Variants in SMC1B observed in about 807,000 individuals in gnomAD.
SMC1B encodes the protein structural maintenance of chromosomes protein 1B.
A neutral mutation model predicts 157.9 loss-of-function variants in SMC1B; 60 were observed. The observed-to-expected ratio is 0.38, with a 90% CI of 0.31 to 0.47. The LOEUF (loss-of-function observed/expected upper bound fraction) is 0.47, where lower values mean the gene tolerates loss of function less well. Among genes scored for constraint, SMC1B ranks in the 20% least tolerant of loss-of-function variants. SMC1B has a pLI of 0.99. For synonymous variants in SMC1B, 445 were observed against 483.0 expected, an observed-to-expected ratio of 0.92 and a Z score of 1.03; for missense variants, 1,165 against 1,426.2, an observed-to-expected ratio of 0.82 and a Z score of 2.95.
At position 45,372,374 on chromosome 22, in the gene SMC1B, C is replaced by A. The variant is rs1032827712; in HGVS notation, c.2059-82G>T. 7 of 1,240,780 alleles carry A rather than the reference C, an allele frequency of 5.6e-6. No individual in the cohort carries two copies. In the East Asian group the frequency reaches 1.2e-4, roughly 22 times the overall value. 76.9% of individuals were successfully genotyped at this position (1,240,780 alleles called of 1,614,324 possible). A position where few individuals can be genotyped will look rare whatever the true frequency, so the allele number is the denominator to read the frequency against. ...CAAAGTGCTTTCATATGTAATAATT[C>A]ACTGATTTTTACATACCACCACACC... On this transcript the variant is annotated intron_variant, in intron 12 of 24. Transcript: ENST00000357450.
At chr22:45,353,025 C>T (rs575982320) in intron 21 of SMC1B, among the ~76,000 whole-genome samples, 15 of 152,182 alleles carry the variant, frequency 9.9e-5, no homozygotes, top group African/African-American at 3.4e-4. Context: ...AATCCCAGCA[C>T]GTTGGGAGGC....
At chr22:45,404,228 C>T (rs920973940) in intron 4 of SMC1B, among the ~76,000 whole-genome samples, 2 of 133,290 alleles carry the variant, frequency 1.5e-5, no homozygotes, top group African/African-American at 5.7e-5. Context: ...AGGCATGAGG[C>T]GCCATGCCTG....
chr22:45,364,165 T>A (rs904480359), intron 15 of SMC1B, among the ~76,000 whole-genome samples: 15 of 152,122 alleles, frequency 9.9e-5, no homozygotes, highest in Admixed American at 5.2e-4. Context: ...ACTATTCTTA[T>A]ATAAACACCA....
intron 12 of SMC1B, among the ~76,000 whole-genome samples, chr22:45,378,378 C>A (rs544798989): frequency 7.0e-4 from 106 of 152,210 alleles, no homozygotes; most frequent in South Asian, 1.2e-3. Flanking sequence ...ATTGAGGTTT[C>A]CATTGTGGCC....
In SMC1B at chr22:45,406,452, C is replaced by T; in HGVS notation, c.615+8G>A. On this transcript the variant is annotated splice_region_variant and intron_variant, in intron 4 of 24. Coordinates refer to ENST00000357450, the MANE Select transcript of SMC1B (RefSeq NM_148674.5). ...ACAACTAATGGTTACATCTTCATGA[C>T]ATCTTACCTCTTCCTTCTCTAATTT... 1.2e-6 allele frequency: 2 copies of T among 1,603,634 alleles called. No homozygotes were observed. The highest frequency in any genetic ancestry group is 1.7e-6 in the Non-Finnish European group (2 of 1,176,748).
chr22:45,408,954 C>G, intron 1 of SMC1B, 56 bp from the exon 2 acceptor site: 1 of 1,128,008 alleles, frequency 8.9e-7, no homozygotes, highest in African/African-American at 1.6e-5. Flanking sequence ...AAGCCCTACC[C>G]AGAGCTGAAG....
At chr22:45,346,840 A>C (rs560975181) in intron 23 of SMC1B, among the ~76,000 whole-genome samples, 9 of 152,364 alleles carry the variant, frequency 5.9e-5, no homozygotes, top group African/African-American at 1.9e-4. Flanking sequence ...ATAGTTCTTC[A>C]TACTACATAA....
At chr22:45,409,889 A>T (rs1219286964) in intron 1 of SMC1B, among the ~76,000 whole-genome samples, 1 of 152,194 alleles carries the variant, frequency 6.6e-6, no homozygotes, top group Non-Finnish European at 1.5e-5. Context: ...CTGGAATATT[A>T]TTTTATAATT....
chr22:45,384,693 C>G (rs1352470697), intron 11 of SMC1B, among the ~76,000 whole-genome samples: 1 of 150,488 alleles, frequency 6.6e-6, no homozygotes, highest in Non-Finnish European at 1.5e-5. Flanking sequence ...GCACTCCAGC[C>G]TGGGTGACAG....
chr22:45,412,651 C>T (rs1259099610), intron 1 of SMC1B, among the ~76,000 whole-genome samples: 1 of 151,934 alleles, frequency 6.6e-6, no homozygotes, highest in African/African-American at 2.4e-5. Context: ...GGATTACAGG[C>T]GTGTGCCACC....
chr22:45,345,434 CCT>C, intron 24 of SMC1B, 23 bp downstream of exon 24: 1 of 1,505,056 alleles, frequency 6.6e-7, no homozygotes, highest in African/African-American at 1.4e-5. Flanking sequence ...TGGGTACACT[CCT>C]CTCGCCTCTG....
At position 45,345,564 on chromosome 22, in the gene SMC1B, T is replaced by G; in HGVS notation, c.3501A>C (p.Ser1167=). The change falls in exon 24 of 25, where the codon TCA becomes TCC. Residue 1167 remains serine, a synonymous_variant. Transcript: ENST00000357450. Reference sequence around the variant, plus strand: ...CTTGAGTTTGCTCTTTGATGTAACTTGACACCTGGAAGAAATAAAAACACA... The same window carrying G: ...CTTGAGTTTGCTCTTTGATGTAACTGGACACCTGGAAGAAATAAAAACACA... ...ALDNTNIGKV[S]SYIKEQTQDQ... The G allele has an allele frequency of 6.3e-7, 1 of 1,593,312 alleles. No homozygotes were observed. The highest frequency in any genetic ancestry group is 8.6e-7 in the Non-Finnish European group (1 of 1,161,112).
rs1169902053 is a variant in SMC1B at position 45,387,044 on chromosome 22, G to C, written c.1734C>G (p.Ile578Met). The C allele has an allele frequency of 6.2e-7, 1 of 1,607,882 alleles. No individual in the cohort carries two copies. The highest frequency in any genetic ancestry group is 2.2e-5 in the East Asian group (1 of 44,814). The change falls in exon 11 of 25, where the codon ATC (isoleucine) becomes ATG (methionine). Residue 578 changes from isoleucine (I) to methionine (M), a missense_variant and splice_region_variant. Physicochemically the swap from Ile to Met is conservative, Grantham distance 10 (BLOSUM62 1). Transcript: ENST00000357450. ...CCCTTAGTCTTTCATTGATTGGCTT[G>C]ATCTAAAGGGTTTTAAAATATTTAA... ...ETFLALDYLD[I>M]KPINERLREL... is the part of the protein sequence containing the mutation.
Position 45,344,265 on chromosome 22 carries a change from A to C in SMC1B, c.*291T>G, listed in dbSNP as rs1418333397. On this transcript the variant is annotated 3_prime_UTR_variant, in exon 25 of 25. Coordinates refer to ENST00000357450, the MANE Select transcript of SMC1B (RefSeq NM_148674.5). Reference sequence around the variant, plus strand: ...AGCTGAATTCAAAATTTTTCCAACCAAACTAGCTTATTTCAAAATAGAAGT... The same window carrying C: ...AGCTGAATTCAAAATTTTTCCAACCCAACTAGCTTATTTCAAAATAGAAGT... 2 of 192,428 alleles carry C rather than the reference A, an allele frequency of 1.0e-5. No homozygotes were observed. Among genetic ancestry groups the C allele is most frequent in the African/African-American group, 4.6e-5 (2 of 43,098 alleles). The allele number at this position is 192,428 out of a possible 1,614,324, so 11.9% of individuals were successfully genotyped here. A position where few individuals can be genotyped will look rare whatever the true frequency, so the allele number is the denominator to read the frequency against.
chr22:45,413,074 GA>G (rs1280113714), intron 1 of SMC1B, among the ~76,000 whole-genome samples: 28 of 151,996 alleles, frequency 1.8e-4, no homozygotes, highest in Admixed American at 2.6e-4. Flanking sequence ...CGAGGGTTGG[GA>G]GCCCCTGAGA....
At chr22:45,381,798 A>G (rs1428943080) in intron 12 of SMC1B, among the ~76,000 whole-genome samples, 2 of 152,248 alleles carry the variant, frequency 1.3e-5, no homozygotes, top group Non-Finnish European at 1.5e-5. Flanking sequence ...GAATATTCCT[A>G]TACCTTAGAT....
At chr22:45,375,787 T>C (rs1463889420) in intron 12 of SMC1B, among the ~76,000 whole-genome samples, 1 of 152,188 alleles carries the variant, frequency 6.6e-6, no homozygotes, top group Non-Finnish European at 1.5e-5. Context: ...ATAAATTCTA[T>C]CTAGTCAGAT....
chr22:45,384,684 C>T (rs2086972304), intron 11 of SMC1B, among the ~76,000 whole-genome samples: 1 of 150,586 alleles, frequency 6.6e-6, no homozygotes, highest in East Asian at 1.9e-4. Context: ...CACACCACTG[C>T]ACTCCAGCCT....
Position 45,386,938 on chromosome 22 carries a change from C to T in SMC1B, c.1840G>A (p.Gly614Arg). Reference protein sequence around the residue: ...QLKKVIQFVCGNGLVCETMEE... With the variant: ...QLKKVIQFVCRNGLVCETMEE... The stretch of plus-strand genomic sequence containing the variant: ...ATAGTCTCACAAACAAGACCATTTC[C>T]ACACACAAACTGAATCACTTTCTTC... The change falls in exon 11 of 25, where the codon GGA becomes AGA. Residue 614 changes from glycine (G) to arginine (R), a missense_variant. Coordinates refer to ENST00000357450, the MANE Select transcript of SMC1B (RefSeq NM_148674.5). 6.2e-7 allele frequency: 1 copy of T among 1,614,062 alleles called. No homozygotes were observed. The highest frequency in any genetic ancestry group is 8.5e-7 in the Non-Finnish European group (1 of 1,180,000).
Sources: allele counts gnomAD v4.1 joint callset (sites outside exome capture counted in the v4.1 genomes callset), GRCh38; gene constraint gnomAD v4.1.1; transcripts MANE v1.5; gene names NCBI Gene and HGNC (gene_info 2026-07-23, HGNC 2026-07-21).